Variants in IQSEC3 observed in about 807,000 individuals in gnomAD.
IQSEC3 encodes the protein IQ motif and SEC7 domain-containing protein 3.
In IQSEC3, 50 loss-of-function variants were observed where a neutral mutation model predicts 105.4. That is an observed-to-expected ratio of 0.47 (90% CI 0.38 to 0.60). IQSEC3 has a LOEUF of 0.60. Ranked by LOEUF, IQSEC3 falls within the 20% of genes least tolerant of loss-of-function variation. The pLI is 0.00. For synonymous variants in IQSEC3, 708 were observed against 746.0 expected (o/e 0.95, Z 0.83); for missense variants, 1,415 against 1,630.0 (o/e 0.87, Z 2.27).
chr12:71,223 A>T (rs192239973), intron 1 of IQSEC3, among the ~76,000 whole-genome samples: 90 of 152,398 alleles, frequency 5.9e-4, no homozygotes, highest in African/African-American at 1.7e-3. Flanking sequence ...ATTGAGTCAG[A>T]GTTGCATGCT....
chr12:89,821 C>T (rs1864026282), intron 1 of IQSEC3, among the ~76,000 whole-genome samples: 1 of 152,056 alleles, frequency 6.6e-6, no homozygotes, highest in South Asian at 2.1e-4. Flanking sequence ...AATGGACATA[C>T]CACAATTTAT....
At chr12:83,234 G>A (rs1555071149) in intron 1 of IQSEC3, among the ~76,000 whole-genome samples, 1 of 152,186 alleles carries the variant, frequency 6.6e-6, no homozygotes, top group African/African-American at 2.4e-5. Flanking sequence ...AGAATCATAT[G>A]TATACATTCA....
intron 2 of IQSEC3, among the ~76,000 whole-genome samples, chr12:123,500 T>C (rs1191340043): frequency 6.6e-6 from 1 of 152,172 alleles, no homozygotes; most frequent in Non-Finnish European, 1.5e-5. Flanking sequence ...TGCAGCTTGA[T>C]TGGTGGCCAC....
chr12:163,745 C>T (rs1036593834), intron 9 of IQSEC3, 126 bp downstream of exon 9: 1 of 731,362 alleles, frequency 1.4e-6, no homozygotes, highest in Non-Finnish European at 2.3e-6. Flanking sequence ...ATGCCTGTTC[C>T]GTGGGACGGA....
At position 99,206 on chromosome 12, in the gene IQSEC3, C is replaced by T. The variant is rs1864339329; in HGVS notation, c.615C>T (p.Ala205=). 2 of 1,598,704 alleles carry T rather than the reference C, an allele frequency of 1.3e-6. No homozygotes were observed. ...CCGCCGACGCCTGCTCCGACCTGGCCTCCCAAAGGTGGGAACTGTGGCCCT... is the reference window on the plus strand; with the variant it reads ...CCGCCGACGCCTGCTCCGACCTGGCTTCCCAAAGGTGGGAACTGTGGCCCT... The part of the protein sequence containing the change: ...CPAADACSDL[A]SQSDGSCTQA... Residue 205 remains alanine, a synonymous_variant, in exon 2 of 14, where the codon GCC becomes GCT. Transcript: ENST00000538872.
intron 12 of IQSEC3, 84 bp from the exon 13 acceptor site, chr12:171,028 C>A: frequency 6.5e-7 from 1 of 1,547,682 alleles, no homozygotes; most frequent in Non-Finnish European, 8.9e-7. Context: ...GTCTTAGCTG[C>A]AGAGATGCTT....
At chr12:125,225 C>T (rs535607546) in intron 2 of IQSEC3, among the ~76,000 whole-genome samples, 48 of 152,302 alleles carry the variant, frequency 3.2e-4, no homozygotes, top group Non-Finnish European at 4.9e-4. Flanking sequence ...TAACTTCAGC[C>T]GCCAGTATCC....
intron 11 of IQSEC3, among the ~76,000 whole-genome samples, chr12:166,509 GGCT>G (rs1938658860): frequency 6.6e-6 from 1 of 152,134 alleles, no homozygotes; most frequent in Non-Finnish European, 1.5e-5. Flanking sequence ...GTGGTTTACT[GGCT>G]GCTGTGGGGT....
At chr12:155,798 C>T (rs1555094045) in intron 5 of IQSEC3, among the ~76,000 whole-genome samples, 1 of 152,126 alleles carries the variant, frequency 6.6e-6, no homozygotes, top group African/African-American at 2.4e-5. Context: ...AGTGGGACTG[C>T]TTGCCGGCAG....
chr12:163,662 C>T (rs201097292), intron 9 of IQSEC3, 43 bp downstream of exon 9: 96 of 1,121,210 alleles, frequency 8.6e-5, no homozygotes, highest in African/African-American at 5.9e-4. Flanking sequence ...CTGGGGCTGC[C>T]TCTGCCGCCC....
chr12:141,046 T>G lies in IQSEC3; in HGVS notation c.1992-78T>G, dbSNP rs1865999804. On this transcript the variant is annotated intron_variant, in intron 4 of 13. Coordinates refer to ENST00000538872, the MANE Select transcript of IQSEC3 (RefSeq NM_001170738.2). ...TTCCAAGAACCTCTGGGTACTTCTA[T>G]GGGTGGAAGACAGGGAGGAAAGAGT... 7 of 1,424,416 alleles carry G rather than the reference T, an allele frequency of 4.9e-6. No homozygotes were observed. In the East Asian group the frequency reaches 1.6e-4, roughly 33 times the overall value. 88.2% of individuals were successfully genotyped at this position (1,424,416 alleles called of 1,614,324 possible). A position where few individuals can be genotyped will look rare whatever the true frequency, so the allele number is the denominator to read the frequency against.
Position 81,635 on chromosome 12 carries a change from C to T in IQSEC3, c.554+14199C>T, listed in dbSNP as rs141625086. Among the ~76,000 whole-genome samples, 356 of 152,228 alleles carry T rather than the reference C, an allele frequency of 2.3e-3. 1 individual carries two copies. Among genetic ancestry groups the T allele is most frequent in the Non-Finnish European group, 2.0e-3 (134 of 68,016 alleles). ...GGGATGAGGAGGTTTGAGCATTTGA[C>T]GGATGGCGTTTGAGACAGCTCTTAG... On this transcript the variant is annotated intron_variant, in intron 1 of 13. Transcript: ENST00000538872.
At chr12:91,780 CA>C (rs1299084542) in intron 1 of IQSEC3, among the ~76,000 whole-genome samples, 305 of 151,492 alleles carry the variant, frequency 2.0e-3, no homozygotes, top group African/African-American at 7.1e-3. Context: ...GACCCTGTCT[CA>C]AAAAAAAGAA....
At chr12:168,048 G>A (rs1056805761) in intron 11 of IQSEC3, among the ~76,000 whole-genome samples, 2 of 152,188 alleles carry the variant, frequency 1.3e-5, no homozygotes, top group Admixed American at 1.3e-4. Context: ...GGGGGCCTAC[G>A]GTTCAGTGTC....
intron 3 of IQSEC3, among the ~76,000 whole-genome samples, chr12:131,608 A>C (rs1292508882): frequency 6.6e-6 from 1 of 152,214 alleles, no homozygotes; most frequent in Non-Finnish European, 1.5e-5. Context: ...TCATGTCTGC[A>C]AACACTTATT....
chr12:116,041 T>C (rs900261999), intron 2 of IQSEC3, among the ~76,000 whole-genome samples: 6 of 152,216 alleles, frequency 3.9e-5, no homozygotes, highest in Admixed American at 3.9e-4. Context: ...GAATGATACT[T>C]TTGCTTTTTA....
intron 7 of IQSEC3, 135 bp downstream of exon 7, chr12:157,829 C>A: frequency 2.0e-6 from 2 of 1,005,848 alleles, no homozygotes; most frequent in Non-Finnish European, 2.8e-6. Flanking sequence ...CCATAGCAAG[C>A]TGGGAACATT....
chr12:171,979 G>A (rs1429216901), intron 13 of IQSEC3, among the ~76,000 whole-genome samples: 7 of 152,006 alleles, frequency 4.6e-5, no homozygotes, highest in Non-Finnish European at 5.9e-5. Flanking sequence ...TACAAGCCTC[G>A]TGAGCCCCAC....
intron 1 of IQSEC3, among the ~76,000 whole-genome samples, chr12:73,249 C>G (rs1489423376): frequency 6.6e-6 from 1 of 152,160 alleles, no homozygotes; most frequent in Non-Finnish European, 1.5e-5. Context: ...CTTGGTACCT[C>G]CCCAGCTGTG....
Sources: gnomAD v4.1 joint callset for allele counts (sites outside exome capture counted in the v4.1 genomes callset) on GRCh38, gnomAD v4.1.1 for gene constraint, MANE v1.5 for transcripts, NCBI Gene and HGNC (gene_info 2026-07-23, HGNC 2026-07-21) for gene names.